The following DOCK7 variants were observed in gnomAD, a reference collection of about 807,000 sequenced individuals.
DOCK7 encodes dedicator of cytokinesis 7, also known as dedicator of cytokinesis protein 7.
DOCK7 carries 138 observed loss-of-function variants against 271.0 expected under a neutral mutation model. That is an observed-to-expected ratio of 0.51 (90% CI 0.44 to 0.59). The LOEUF is 0.59. Ranked by LOEUF, DOCK7 falls within the 20% of genes least tolerant of loss-of-function variation. The probability of loss-of-function intolerance (pLI) is 0.00; values close to 1 mark genes in which losing one functional copy is unlikely to be tolerated. For missense variants in DOCK7, 2,066 were observed against 2,592.4 expected, an observed-to-expected ratio of 0.80 and a Z score of 4.41; for synonymous variants, 823 against 876.1, an observed-to-expected ratio of 0.94 and a Z score of 1.07.
In DOCK7 at chr1:62,471,906, ATAGTT is replaced by A. The variant is rs138790363; in HGVS notation, c.6212+2071_6212+2075del. On this transcript the variant is annotated intron_variant, in intron 48 of 49. Transcript: ENST00000635253. ...TAATTTGAAGAATATAACCATTAGA[ATAGTT>A]TAAACTTTAATTGAAAAATAATTTA... 3.1e-3 allele frequency among the ~76,000 whole-genome samples: 476 copies of A among 152,294 alleles called. 1 individual carries two copies. Among genetic ancestry groups the A allele is most frequent in the Non-Finnish European group, 5.6e-3 (383 of 68,014 alleles).
At chr1:62,600,031 C>A (rs1039980251) in intron 14 of DOCK7, among the ~76,000 whole-genome samples, 2 of 151,850 alleles carry the variant, frequency 1.3e-5, no homozygotes, top group African/African-American at 4.8e-5. Context: ...ACTAAACAAA[C>A]ATAATGTTAG....
At chr1:62,573,429 T>C (rs535611825) in intron 18 of DOCK7, among the ~76,000 whole-genome samples, 2 of 152,286 alleles carry the variant, frequency 1.3e-5, no homozygotes, top group South Asian at 2.1e-4. Context: ...TCATAAGCAA[T>C]AGAATGAAAC....
chr1:62,601,219 C>T, intron 14 of DOCK7: 1 of 1,437,806 alleles, frequency 7.0e-7, no homozygotes, highest in Non-Finnish European at 9.8e-7. Context: ...GGTGGGTTTC[C>T]TTCTTGAAGC....
Position 62,478,348 on chromosome 1 carries a change from A to G in DOCK7, c.5509-523T>C, listed in dbSNP as rs184222220. 3.9e-5 allele frequency: 6 copies of G among 152,378 alleles called. No individual in the cohort carries two copies. The East Asian group carries it at 1.2e-3, about 29-fold the overall frequency. The allele number at this position is 152,378 out of a possible 1,614,324, so 9.4% of individuals were successfully genotyped here. ...ACCTGGCATAGAGCAGGCAATGTAA[A>G]TGTCAAGACCCTCCAGAAGCACTAA... On this transcript the variant is annotated intron_variant, in intron 43 of 49. Transcript: ENST00000635253.
intron 20 of DOCK7, among the ~76,000 whole-genome samples, chr1:62,557,596 T>C (rs1646187781): frequency 6.9e-6 from 1 of 143,898 alleles, no homozygotes; most frequent in Admixed American, 7.2e-5. Flanking sequence ...ATTTCACGAG[T>C]AGACATTTCT....
At chr1:62,684,712 G>A (rs941825400) in intron 1 of DOCK7, among the ~76,000 whole-genome samples, 3 of 152,142 alleles carry the variant, frequency 2.0e-5, no homozygotes, top group African/African-American at 7.2e-5. Context: ...AAATCCATGG[G>A]CCTTATCCTC....
At chr1:62,522,213 T>C (rs1278196824) in intron 31 of DOCK7, among the ~76,000 whole-genome samples, 3 of 152,088 alleles carry the variant, frequency 2.0e-5, no homozygotes, top group Non-Finnish European at 4.4e-5. Context: ...CTCATTTTAA[T>C]TGGCTAGCCT....
intron 14 of DOCK7, among the ~76,000 whole-genome samples, chr1:62,593,087 T>C (rs1301223121): frequency 6.6e-6 from 1 of 152,088 alleles, no homozygotes; most frequent in African/African-American, 2.4e-5. Flanking sequence ...AATTTTAAAA[T>C]ACTAAGATCC....
At chr1:62,601,982 T>C (rs1426037895) in intron 14 of DOCK7, 1 of 703,996 alleles carries the variant, frequency 1.4e-6, no homozygotes, top group African/African-American at 1.8e-5. Context: ...CATATATATA[T>C]GAAATATATA....
intron 43 of DOCK7, chr1:62,478,956 C>T (rs1646041221): frequency 6.6e-6 from 1 of 151,974 alleles, no homozygotes; most frequent in Non-Finnish European, 1.5e-5. Context: ...AATATTTGGA[C>T]ACTTTCTATG....
At chr1:62,666,006 A>G (rs999830401) in intron 1 of DOCK7, among the ~76,000 whole-genome samples, 2 of 151,916 alleles carry the variant, frequency 1.3e-5, no homozygotes. Context: ...TACTAAAAAT[A>G]CAAAAAAATT....
At chr1:62,674,265 T>G (rs1170835755) in intron 1 of DOCK7, among the ~76,000 whole-genome samples, 1 of 151,952 alleles carries the variant, frequency 6.6e-6, no homozygotes, top group East Asian at 1.9e-4. Flanking sequence ...ACTGAAAACT[T>G]CAAAATGCTG....
chr1:62,662,411 G>A (rs1479528465), intron 2 of DOCK7, among the ~76,000 whole-genome samples: 5 of 151,692 alleles, frequency 3.3e-5, no homozygotes, highest in African/African-American at 4.9e-5. Flanking sequence ...AATTTACTTC[G>A]GTGCTTGTTT....
At position 62,539,743 on chromosome 1, in the gene DOCK7, TATC is replaced by T. The variant is rs774915426; in HGVS notation, c.3186+6_3186+8del. On this transcript the variant is annotated splice_donor_region_variant and intron_variant, in intron 26 of 49. Coordinates refer to ENST00000635253, the MANE Select transcript of DOCK7 (RefSeq NM_001367561.1). ...AAAGAGAGATAAGTGGGGAAAAAGT[TATC>T]ATTACCTTCTGAAATCGTGAAACTA... 3.7e-6 allele frequency: 6 copies of T among 1,612,020 alleles called. No individual in the cohort carries two copies. In the East Asian group the frequency reaches 8.9e-5, roughly 24 times the overall value.
intron 14 of DOCK7, among the ~76,000 whole-genome samples, chr1:62,602,801 C>T (rs1263263785): frequency 6.6e-6 from 1 of 151,460 alleles, no homozygotes; most frequent in East Asian, 1.9e-4. Context: ...GACCAGGAAA[C>T]TCAGACATAC....
intron 11 of DOCK7, chr1:62,629,817 C>T (rs770506967): frequency 4.6e-5 from 7 of 152,106 alleles, no homozygotes; most frequent in South Asian, 4.1e-4. Context: ...GAGTTAAGTC[C>T]CTACAGCATA....
Position 62,505,816 on chromosome 1 carries a change from T to C in DOCK7, c.4477A>G (p.Thr1493Ala). ...ILDTLEIVVQTVSVTESKESI... is the reference protein window; with the variant it reads ...ILDTLEIVVQAVSVTESKESI... ...TCTTTGGATTCCGTTACAGAAACGG[T>C]CTGCAATTTAAAAATAAACAAATAA... Residue 1493 changes from threonine (T) to alanine (A), a missense_variant and splice_region_variant, in exon 36 of 50, where the codon ACC becomes GCC. Transcript: ENST00000635253. 1.2e-6 allele frequency: 2 copies of C among 1,608,160 alleles called. No individual in the cohort carries two copies. The highest frequency in any genetic ancestry group is 1.7e-6 in the Non-Finnish European group (2 of 1,178,000).
intron 1 of DOCK7, among the ~76,000 whole-genome samples, chr1:62,666,268 T>A (rs1437980753): frequency 6.6e-6 from 1 of 152,170 alleles, no homozygotes; most frequent in East Asian, 1.9e-4. Context: ...CACCATACCA[T>A]CAGTTAATTG....
At chr1:62,601,116 T>C in intron 14 of DOCK7, 1 of 1,609,640 alleles carries the variant, frequency 6.2e-7, no homozygotes, top group Non-Finnish European at 8.5e-7. Context: ...CCCACAGAAA[T>C]TTCTCTATCT....
Sources: gnomAD v4.1 joint callset for allele counts (sites outside exome capture counted in the v4.1 genomes callset) on GRCh38, gnomAD v4.1.1 for gene constraint, MANE v1.5 for transcripts, NCBI Gene and HGNC (gene_info 2026-07-23, HGNC 2026-07-21) for gene names.